Variants in AGBL4 observed in about 807,000 individuals in gnomAD.
AGBL4 encodes cytosolic carboxypeptidase 6.
In AGBL4, 58 loss-of-function variants were observed where a neutral mutation model predicts 66.4. That is an observed-to-expected ratio of 0.87 (90% CI 0.71 to 1.09). AGBL4 has a LOEUF of 1.09. AGBL4 is among the 50% of genes least tolerant of loss of function. The pLI, the probability that AGBL4 is intolerant of heterozygous loss-of-function variation, is 0.00. For synonymous variants in AGBL4, 234 were observed against 222.9 expected (o/e 1.05, Z -0.44); for missense variants, 579 against 631.0 (o/e 0.92, Z 0.88).
intron 3 of AGBL4, among the ~76,000 whole-genome samples, chr1:49,510,848 C>T (rs1370090362): frequency 6.7e-6 from 1 of 149,726 alleles, no homozygotes; most frequent in African/African-American, 2.5e-5. Flanking sequence ...GGAATCCTTT[C>T]CCCATTGCTT....
At chr1:49,095,978 C>CA (rs1645091727) in intron 4 of AGBL4, among the ~76,000 whole-genome samples, 2 of 151,654 alleles carry the variant, frequency 1.3e-5, no homozygotes, top group African/African-American at 2.4e-5. Context: ...ACAATGAAAT[C>CA]AAACAAATTT....
chr1:50,023,685 T>C (rs1182585956), intron 1 of AGBL4, 78 bp downstream of exon 1: 1 of 1,484,464 alleles, frequency 6.7e-7, no homozygotes, highest in African/African-American at 1.4e-5. Context: ...AGTAGGACCA[T>C]GCCCGAGTCC....
Position 48,632,371 on chromosome 1 carries a change from C to T in AGBL4, c.951+2122G>A, listed in dbSNP as rs186236824. ...CTCTTGCTGGATCTGTGTTTTGTAG[C>T]ATGAATGAGCGCCCGGTTGTTTGTG... On this transcript the variant is annotated intron_variant, in intron 9 of 13. Transcript: ENST00000371839. 2.0e-3 allele frequency among the ~76,000 whole-genome samples: 302 copies of T among 152,316 alleles called. 1 individual carries two copies. Among genetic ancestry groups the T allele is most frequent in the African/African-American group, 7.1e-3 (295 of 41,572 alleles).
intron 1 of AGBL4, among the ~76,000 whole-genome samples, chr1:49,889,686 G>A (rs1648435863): frequency 6.6e-6 from 1 of 152,072 alleles, no homozygotes. Context: ...GAACCTGGGA[G>A]GTGGAGGTTG....
chr1:49,817,663 A>G (rs1310639327), intron 2 of AGBL4, among the ~76,000 whole-genome samples: 1 of 152,104 alleles, frequency 6.6e-6, no homozygotes, highest in Non-Finnish European at 1.5e-5. Flanking sequence ...AAAAGTGTAT[A>G]CTCTTCCCAT....
At chr1:48,659,856 T>C (rs896935209) in intron 7 of AGBL4, among the ~76,000 whole-genome samples, 1 of 152,248 alleles carries the variant, frequency 6.6e-6, no homozygotes, top group African/African-American at 2.4e-5. Flanking sequence ...TTTTCTCTAT[T>C]CCAGACCATC....
Position 49,379,271 on chromosome 1 carries a change from A to G in AGBL4, c.283-133407T>C, listed in dbSNP as rs923181159. Among the ~76,000 whole-genome samples, 3 of 152,228 alleles carry G rather than the reference A, an allele frequency of 2.0e-5. No homozygotes were observed. In the South Asian group the frequency reaches 6.2e-4, roughly 32 times the overall value. Reference sequence around the variant, plus strand: ...TCTTTCTCTTGGGAAACTACCACACATTGCCTAGAATGGTTTGTATGAATT... The same window carrying G: ...TCTTTCTCTTGGGAAACTACCACACGTTGCCTAGAATGGTTTGTATGAATT... On this transcript the variant is annotated intron_variant, in intron 3 of 13. Transcript: ENST00000371839.
At position 48,991,931 on chromosome 1, in the gene AGBL4, C is replaced by A. The variant is rs1262638398; in HGVS notation, c.594+53653G>T. On this transcript the variant is annotated intron_variant, in intron 5 of 13. Transcript: ENST00000371839. ...ATTTTGTCAACTTTCCTCAAAATGGCAACTTTGAATTCCCTAAATTGTCAC... is the reference window on the plus strand; with the variant it reads ...ATTTTGTCAACTTTCCTCAAAATGGAAACTTTGAATTCCCTAAATTGTCAC... 1.4e-4 allele frequency among the ~76,000 whole-genome samples: 21 copies of A among 152,140 alleles called. 1 individual carries two copies. The highest frequency in any genetic ancestry group is 1.4e-3 in the Admixed American group (21 of 15,276).
At chr1:48,903,953 C>T (rs1010822943) in intron 5 of AGBL4, among the ~76,000 whole-genome samples, 2 of 152,086 alleles carry the variant, frequency 1.3e-5, no homozygotes, top group African/African-American at 4.8e-5. Context: ...TGAAGAAAAG[C>T]TAAACACCTG....
chr1:48,879,303 G>A (rs751170010), intron 5 of AGBL4, among the ~76,000 whole-genome samples: 2 of 151,978 alleles, frequency 1.3e-5, no homozygotes, highest in Non-Finnish European at 2.9e-5. Context: ...GCACGAGTGT[G>A]CACACAAGCA....
At chr1:49,539,964 A>G (rs1035441555) in intron 3 of AGBL4, among the ~76,000 whole-genome samples, 1 of 152,200 alleles carries the variant, frequency 6.6e-6, no homozygotes, top group South Asian at 2.1e-4. Flanking sequence ...AGGCAGTGCT[A>G]GGAAGTATGG....
At chr1:49,268,444 ACACAC>A (rs1643977977) in intron 3 of AGBL4, among the ~76,000 whole-genome samples, 2 of 149,370 alleles carry the variant, frequency 1.3e-5, no homozygotes, top group East Asian at 2.0e-4. Context: ...ACACACACAC[ACACAC>A]AAATACAAGA....
chr1:49,886,801 C>G (rs1356832249), intron 1 of AGBL4, among the ~76,000 whole-genome samples: 1 of 152,110 alleles, frequency 6.6e-6, no homozygotes, highest in Non-Finnish European at 1.5e-5. Context: ...CAACTGCATT[C>G]TGGTTCCCAA....
intron 2 of AGBL4, among the ~76,000 whole-genome samples, chr1:49,701,827 A>C (rs995730396): frequency 2.0e-5 from 3 of 152,164 alleles, no homozygotes; most frequent in Non-Finnish European, 4.4e-5. Context: ...ACGTCAAAAA[A>C]TTAAATAACC....
intron 3 of AGBL4, among the ~76,000 whole-genome samples, chr1:49,365,128 G>A (rs1263049033): frequency 6.6e-6 from 1 of 152,128 alleles, no homozygotes; most frequent in African/African-American, 2.4e-5. Flanking sequence ...GAGACTTGAA[G>A]CACATATAAA....
intron 11 of AGBL4, among the ~76,000 whole-genome samples, chr1:48,542,055 T>C (rs1052999340): frequency 2.0e-5 from 3 of 152,198 alleles, no homozygotes; most frequent in African/African-American, 7.2e-5. Flanking sequence ...TGTGTTCTCA[T>C]AGTTAAACTT....
At chr1:48,794,344 CCCAGCTTCAAAAAGCAACAATGG>C (rs1645619067) in intron 6 of AGBL4, among the ~76,000 whole-genome samples, 2 of 152,188 alleles carry the variant, frequency 1.3e-5, no homozygotes, top group South Asian at 4.1e-4. Flanking sequence ...CCAAGCCTTT[CCCAGCTTCAAAAAGCAACAATGG>C]CCACCTCAAA....
At chr1:49,260,471 G>A (rs901032046) in intron 3 of AGBL4, among the ~76,000 whole-genome samples, 4 of 151,776 alleles carry the variant, frequency 2.6e-5, no homozygotes, top group African/African-American at 9.7e-5. Context: ...AATGATAAAG[G>A]GGATATCACC....
intron 3 of AGBL4, among the ~76,000 whole-genome samples, chr1:49,264,228 C>A (rs1021990957): frequency 6.6e-6 from 1 of 151,888 alleles, no homozygotes; most frequent in Non-Finnish European, 1.5e-5. Context: ...TGAAAGATGA[C>A]AAAATGTTAA....
Sources: gnomAD v4.1 joint callset for allele counts (sites outside exome capture counted in the v4.1 genomes callset) on GRCh38, gnomAD v4.1.1 for gene constraint, MANE v1.5 for transcripts, NCBI Gene and HGNC (gene_info 2026-07-23, HGNC 2026-07-21) for gene names.